The following CGNL1 variants were observed in gnomAD, a reference collection of about 807,000 sequenced individuals.
CGNL1 encodes cingulin like 1.
In CGNL1, 132 loss-of-function variants were observed where a neutral mutation model predicts 141.2. The ratio of observed to expected loss-of-function variants is 0.93; its 90% CI spans 0.81 to 1.08. CGNL1 has a LOEUF of 1.08. Ranked by LOEUF, CGNL1 falls within the 50% of genes least tolerant of loss-of-function variation. The pLI is 0.00. For missense variants in CGNL1, 1,870 were observed against 1,588.6 expected (o/e 1.18, Z -3.01); for synonymous variants, 690 against 622.1 (o/e 1.11, Z -1.63).
chr15:57,410,892 T>C (rs1460042796), intron 1 of CGNL1, among the ~76,000 whole-genome samples: 1 of 152,194 alleles, frequency 6.6e-6, no homozygotes, highest in Non-Finnish European at 1.5e-5. Flanking sequence ...TCAGATTCAG[T>C]GGGGAAAAAT....
At chr15:57,533,150 T>C (rs2032049905) in intron 14 of CGNL1, among the ~76,000 whole-genome samples, 1 of 152,182 alleles carries the variant, frequency 6.6e-6, no homozygotes, top group Admixed American at 6.5e-5. Flanking sequence ...CCTTTGCTCC[T>C]GAGAGTGAAG....
intron 8 of CGNL1, among the ~76,000 whole-genome samples, chr15:57,493,495 C>T (rs1394387494): frequency 6.6e-6 from 1 of 152,126 alleles, no homozygotes; most frequent in African/African-American, 2.4e-5. Context: ...TATGGCAGAA[C>T]CAAGATTCAC....
intron 1 of CGNL1, among the ~76,000 whole-genome samples, chr15:57,416,074 C>T (rs2062845087): frequency 1.3e-5 from 2 of 152,268 alleles, no homozygotes; most frequent in South Asian, 4.1e-4. Flanking sequence ...CACAGAAATA[C>T]AGTTTTGAGG....
chr15:57,543,809 C>A lies in CGNL1; in HGVS notation c.3375+30C>A, dbSNP rs375179913. On this transcript the variant is annotated intron_variant, in intron 15 of 18. Transcript: ENST00000281282. ...GGGCAGCCAGCCTGTGAGCTGCCCC[C>A]CCGTCCATCCGCTAACCCTCCCCCA... 63 of 1,551,182 alleles carry A rather than the reference C, an allele frequency of 4.1e-5. No homozygotes were observed. The Admixed American group carries it at 7.4e-4, about 18-fold the overall frequency.
At chr15:57,504,693 T>C (rs998033955) in intron 8 of CGNL1, among the ~76,000 whole-genome samples, 1 of 152,092 alleles carries the variant, frequency 6.6e-6, no homozygotes, top group Non-Finnish European at 1.5e-5. Flanking sequence ...AGGAGGAGGA[T>C]ATGGTAGATC....
At chr15:57,465,060 G>C (rs2063494703) in intron 8 of CGNL1, among the ~76,000 whole-genome samples, 1 of 151,990 alleles carries the variant, frequency 6.6e-6, no homozygotes, top group Non-Finnish European at 1.5e-5. Flanking sequence ...CTTCCTTGCA[G>C]TTTCTTAAAG....
intron 9 of CGNL1, 61 bp from the exon 10 acceptor site, chr15:57,518,332 G>T: frequency 8.1e-7 from 1 of 1,229,264 alleles, no homozygotes; most frequent in South Asian, 1.3e-5. Context: ...TAATTCCATT[G>T]AGTCAGTTTC....
rs1465195518 is a variant in CGNL1, at chr15:57,523,742, T to C, written c.2868+101T>C. 5 of 1,277,570 alleles carry C rather than the reference T, an allele frequency of 3.9e-6. No homozygotes were observed. The Admixed American group carries it at 9.1e-5, about 23-fold the overall frequency. 79.1% of individuals were successfully genotyped at this position (1,277,570 alleles called of 1,614,324 possible). A position where few individuals can be genotyped will look rare whatever the true frequency, so the allele number is the denominator to read the frequency against. On this transcript the variant is annotated intron_variant, in intron 11 of 18. Transcript: ENST00000281282. ...GAAAGCCTGGGAAACCTGCAGTAGG[T>C]CTAAGCACAAAAGTGTCAGGGATTT...
rs181739818 is a variant in CGNL1 at position 57,519,750 on chromosome 15, G to C, written c.2715+1253G>C. On this transcript the variant is annotated intron_variant, in intron 10 of 18. Transcript: ENST00000281282. ...GCCAGAGTGTGGGGTTTAAATTTGT[G>C]AGCTGGTTGGGGGGCAGAAAGAAAG... Among the ~76,000 whole-genome samples, 104 of 152,254 alleles carry C rather than the reference G, an allele frequency of 6.8e-4. 1 individual carries two copies. Among genetic ancestry groups the C allele is most frequent in the Admixed American group, 6.1e-3 (93 of 15,302 alleles).
Position 57,461,766 on chromosome 15 carries a change from ACT to A in CGNL1, c.2279_2280del (p.Leu760HisfsTer15), listed in dbSNP as rs760309110. ...EDLLRKRERE[L>X]TALKGALKEE... Reference sequence around the variant, plus strand: ...ACCTCTTGAGAAAGCGAGAGCGTGAACTCACCGCCCTGAAGGGAGCCCTGAAA... The same window carrying A: ...ACCTCTTGAGAAAGCGAGAGCGTGAACACCGCCCTGAAGGGAGCCCTGAAA... On this transcript the variant is annotated frameshift_variant, in exon 8 of 19. Transcript: ENST00000281282. LOFTEE classifies it high-confidence loss of function. 3 of 1,614,106 alleles carry A rather than the reference ACT, an allele frequency of 1.9e-6. No individual in the cohort carries two copies. In the South Asian group the frequency reaches 3.3e-5, roughly 18 times the overall value.
chr15:57,516,966 GA>G lies in CGNL1; in HGVS notation c.2593del (p.Thr865ArgfsTer2), dbSNP rs776382221. 1 of 1,613,366 alleles carries G rather than the reference GA, an allele frequency of 6.2e-7. No homozygotes were observed. The highest frequency in any genetic ancestry group is 1.7e-4 in the Middle Eastern group (1 of 5,860). ...GAAAGGCGATGAAGCCAAGGCGAAGGAAACGCTGAAGAAGTACGAGGTGAGG... is the reference window on the plus strand; with the variant it reads ...GAAAGGCGATGAAGCCAAGGCGAAGGAACGCTGAAGAAGTACGAGGTGAGG... ...DLKGDEAKAK[E>X]TLKKYEGEIR... On this transcript the variant is annotated frameshift_variant, in exon 9 of 19. Transcript: ENST00000281282. LOFTEE classifies it high-confidence loss of function.
intron 8 of CGNL1, among the ~76,000 whole-genome samples, chr15:57,514,278 A>G (rs760197843): frequency 2.2e-4 from 33 of 151,924 alleles, no homozygotes; most frequent in Non-Finnish European, 2.9e-4. Flanking sequence ...CAGCATCCCA[A>G]TTAGCTGGGA....
rs756043929 is a variant in CGNL1 at position 57,516,790 on chromosome 15, T to A, written c.2414T>A (p.Val805Asp). Residue 805 changes from valine (V) to aspartate (D), a missense_variant, in exon 9 of 19, where the codon GTC becomes GAC. By Grantham distance (152) the Val-to-Asp change is radical. Transcript: ENST00000281282. Reference sequence around the variant, plus strand: ...TTGTGTTTTTAACAGAATGTCGAGGTCTTGGCGAGCAGGAGCAACACTTCA... The same window carrying A: ...TTGTGTTTTTAACAGAATGTCGAGGACTTGGCGAGCAGGAGCAACACTTCA... ...SVEEATKNVEVLASRSNTSEQ... is the reference protein window; with the variant it reads ...SVEEATKNVEDLASRSNTSEQ... 8.1e-6 allele frequency: 13 copies of A among 1,613,946 alleles called. No individual in the cohort carries two copies. The East Asian group carries it at 2.9e-4, about 36-fold the overall frequency.
intron 1 of CGNL1, among the ~76,000 whole-genome samples, chr15:57,403,371 C>T (rs1253121415): frequency 2.0e-5 from 3 of 152,138 alleles, no homozygotes; most frequent in Non-Finnish European, 4.4e-5. Flanking sequence ...AAATGCTTCC[C>T]CTTTCCCCCC....
At chr15:57,460,418 G>A (rs1029173581) in intron 7 of CGNL1, among the ~76,000 whole-genome samples, 1 of 152,220 alleles carries the variant, frequency 6.6e-6, no homozygotes, top group Admixed American at 6.5e-5. Flanking sequence ...AGGTAGCCAA[G>A]ATTCAAGAGT....
At chr15:57,511,072 TA>T (rs2030263526) in intron 8 of CGNL1, among the ~76,000 whole-genome samples, 1 of 152,210 alleles carries the variant, frequency 6.6e-6, no homozygotes, top group Non-Finnish European at 1.5e-5. Context: ...AATGTATATT[TA>T]TTTTTAAAAA....
At chr15:57,534,648 A>G (rs2922214) in intron 14 of CGNL1, among the ~76,000 whole-genome samples, 169 of 152,336 alleles carry the variant, frequency 1.1e-3, no homozygotes, top group African/African-American at 4.0e-3. Context: ...TCAAAGCCAG[A>G]AAAGGGAAAC....
At chr15:57,502,526 G>T (rs2064039779) in intron 8 of CGNL1, among the ~76,000 whole-genome samples, 1 of 152,172 alleles carries the variant, frequency 6.6e-6, no homozygotes, top group Non-Finnish European at 1.5e-5. Flanking sequence ...TAAGATGAAT[G>T]AAATACAGGC....
intron 4 of CGNL1, among the ~76,000 whole-genome samples, chr15:57,443,845 T>A (rs372449164): frequency 3.9e-5 from 6 of 152,334 alleles, no homozygotes. Flanking sequence ...CGGGTTGGAA[T>A]CTCACCGGCT....
Sources: allele counts gnomAD v4.1 joint callset (sites outside exome capture counted in the v4.1 genomes callset), GRCh38; gene constraint gnomAD v4.1.1; transcripts MANE v1.5; gene names NCBI Gene and HGNC (gene_info 2026-07-23, HGNC 2026-07-21).